The following TMEM120B variants were observed in gnomAD, a reference collection of about 807,000 sequenced individuals.
TMEM120B encodes the protein transmembrane protein 120B.
In TMEM120B, 31 loss-of-function variants were observed where a neutral mutation model predicts 55.5. The ratio of observed to expected loss-of-function variants is 0.56; its 90% CI spans 0.42 to 0.75. The LOEUF is 0.75. TMEM120B is among the 30% of genes least tolerant of loss of function. TMEM120B has a pLI of 0.00. For missense variants in TMEM120B, 399 were observed against 425.5 expected, an observed-to-expected ratio of 0.94 and a Z score of 0.55; for synonymous variants, 203 against 176.3, an observed-to-expected ratio of 1.15 and a Z score of -1.20.
chr12:121,765,136 T>C (rs1302133000), intron 6 of TMEM120B, among the ~76,000 whole-genome samples: 1 of 149,022 alleles, frequency 6.7e-6, no homozygotes, highest in Admixed American at 6.6e-5. Context: ...TTTCTTTTTT[T>C]TTTTTTTTTT....
chr12:121,735,599 A>T (rs1390802951), intron 1 of TMEM120B, among the ~76,000 whole-genome samples: 2 of 151,686 alleles, frequency 1.3e-5, no homozygotes, highest in Non-Finnish European at 2.9e-5. Flanking sequence ...GGGTTTCACA[A>T]TGTTGGCCAG....
chr12:121,751,825 C>A (rs890518960), intron 4 of TMEM120B, among the ~76,000 whole-genome samples: 8 of 152,200 alleles, frequency 5.3e-5, no homozygotes, highest in Non-Finnish European at 1.0e-4. Context: ...AAACCCTGGC[C>A]TTTCAGCAGC....
At chr12:121,757,548 G>C (rs1204265965) in intron 5 of TMEM120B, among the ~76,000 whole-genome samples, 2 of 137,024 alleles carry the variant, frequency 1.5e-5, no homozygotes, top group African/African-American at 5.5e-5. Flanking sequence ...ACAGAGTCTT[G>C]CTTTGTCGCC....
chr12:121,727,601 C>T (rs745881813), intron 1 of TMEM120B, among the ~76,000 whole-genome samples: 20 of 150,498 alleles, frequency 1.3e-4, no homozygotes, highest in African/African-American at 3.4e-4. Flanking sequence ...TGGCCCGGTG[C>T]GGTGGCTCAC....
At chr12:121,740,246 A>G (rs966771884) in intron 1 of TMEM120B, among the ~76,000 whole-genome samples, 1 of 152,060 alleles carries the variant, frequency 6.6e-6, no homozygotes, top group Non-Finnish European at 1.5e-5. Flanking sequence ...GCACTTTGGG[A>G]GGCTGAGGCA....
At chr12:121,718,612 G>A (rs1337514382) in intron 1 of TMEM120B, among the ~76,000 whole-genome samples, 1 of 152,110 alleles carries the variant, frequency 6.6e-6, no homozygotes, top group East Asian at 1.9e-4. Context: ...GCCAGAATTC[G>A]AACCCATGCC....
At position 121,780,624 on chromosome 12, in the gene TMEM120B, G is replaced by A. The variant is rs1049555239; in HGVS notation, c.*4902G>A. 26 of 569,774 alleles carry A rather than the reference G, an allele frequency of 4.6e-5. No homozygotes were observed. In the Middle Eastern group the frequency reaches 7.9e-4, roughly 17 times the overall value. 35.3% of individuals were successfully genotyped at this position (569,774 alleles called of 1,614,324 possible). ...CTGGGCAAGCTGCTTAACCTCTCTG[G>A]GCCTCAGTTTCTCCCCCTGTAAACT... On this transcript the variant is annotated 3_prime_UTR_variant, in exon 12 of 12. Transcript: ENST00000449592.
intron 1 of TMEM120B, among the ~76,000 whole-genome samples, chr12:121,713,724 G>T (rs751979754): frequency 2.0e-5 from 3 of 152,154 alleles, no homozygotes; most frequent in Non-Finnish European, 2.9e-5. Flanking sequence ...CCTGCTAAGA[G>T]GTTCAGAGAG....
chr12:121,730,412 A>G (rs1179585906), intron 1 of TMEM120B, among the ~76,000 whole-genome samples: 2 of 145,902 alleles, frequency 1.4e-5, no homozygotes, highest in African/African-American at 2.6e-5. Context: ...TTTAGGAGGC[A>G]GAGGCGGGCA....
intron 1 of TMEM120B, among the ~76,000 whole-genome samples, chr12:121,726,528 G>A (rs1894894996): frequency 2.0e-5 from 3 of 149,816 alleles, no homozygotes; most frequent in Admixed American, 6.7e-5. Flanking sequence ...GCAGTGAGCC[G>A]AGATCGCGCT....
chr12:121,768,577 C>T (rs1873921488), intron 6 of TMEM120B, among the ~76,000 whole-genome samples: 1 of 152,176 alleles, frequency 6.6e-6, no homozygotes, highest in African/African-American at 2.4e-5. Context: ...CAAGAGAGTT[C>T]TGGAGGGATG....
intron 1 of TMEM120B, among the ~76,000 whole-genome samples, chr12:121,727,380 TA>T (rs1456501042): frequency 2.0e-5 from 3 of 149,416 alleles, no homozygotes; most frequent in Non-Finnish European, 4.5e-5. Flanking sequence ...TGCAAAAAAA[TA>T]AAAAATGAGC....
Position 121,780,694 on chromosome 12 carries a change from G to A in TMEM120B, c.*4972G>A. On this transcript the variant is annotated 3_prime_UTR_variant, in exon 12 of 12. Transcript: ENST00000449592. ...TGCCTCCGAGTCCTAAGGATTGGGAGTAGTCGTGTAAAGTGCTCAGGTCCA... is the reference window on the plus strand; with the variant it reads ...TGCCTCCGAGTCCTAAGGATTGGGAATAGTCGTGTAAAGTGCTCAGGTCCA... 1.5e-6 allele frequency: 1 copy of A among 684,130 alleles called. No homozygotes were observed. Among genetic ancestry groups the A allele is most frequent in the African/African-American group, 1.8e-5 (1 of 55,466 alleles). 42.4% of individuals were successfully genotyped at this position (684,130 alleles called of 1,614,324 possible).
chr12:121,775,651 A>C lies in TMEM120B; in HGVS notation c.949A>C (p.Asn317His). 6.2e-7 allele frequency: 1 copy of C among 1,613,996 alleles called. No individual in the cohort carries two copies. Among genetic ancestry groups the C allele is most frequent in the Admixed American group, 1.7e-5 (1 of 60,014 alleles). The change falls in exon 12 of 12, where the codon AAC (asparagine) becomes CAC (histidine). Residue 317 changes from asparagine to histidine, a missense_variant. By Grantham distance (68) the Asn-to-His change is moderately conservative. Transcript: ENST00000449592. The surrounding 1 kb of genome is among the most constrained non-coding windows in gnomAD (Gnocchi z 4.3). ...AFTFLILFLG[N>H]FLTTLKVVHA... ...CACCTTCCTCATCCTCTTCCTCGGC[A>C]ACTTCCTGACCACGCTCAAAGTCGT...
chr12:121,729,932 G>T (rs1894965363), intron 1 of TMEM120B, among the ~76,000 whole-genome samples: 1 of 152,040 alleles, frequency 6.6e-6, no homozygotes, highest in South Asian at 2.1e-4. Flanking sequence ...ATAAAATGTG[G>T]CTCGTCCATA....
At chr12:121,756,681 G>T (rs1314663428) in intron 5 of TMEM120B, among the ~76,000 whole-genome samples, 5 of 152,210 alleles carry the variant, frequency 3.3e-5, no homozygotes, top group African/African-American at 9.6e-5. Flanking sequence ...GGCCCTGGGG[G>T]CAAAATGAAA....
chr12:121,762,320 C>A (rs1873706497), intron 6 of TMEM120B, among the ~76,000 whole-genome samples: 1 of 151,522 alleles, frequency 6.6e-6, no homozygotes, highest in Admixed American at 6.6e-5. Flanking sequence ...TCAGTTAAGT[C>A]TTGATCCAAG....
At chr12:121,762,230 A>G (rs1245902781) in intron 6 of TMEM120B, among the ~76,000 whole-genome samples, 1 of 150,716 alleles carries the variant, frequency 6.6e-6, no homozygotes, top group African/African-American at 2.5e-5. Flanking sequence ...CTGAGATCGC[A>G]CCATTGCACT....
chr12:121,719,044 C>T (rs1050044472), intron 1 of TMEM120B, among the ~76,000 whole-genome samples: 10 of 152,112 alleles, frequency 6.6e-5, no homozygotes, highest in Non-Finnish European at 8.8e-5. Context: ...TTTCAGCAAG[C>T]GTCCCAGGGC....
Sources: allele counts gnomAD v4.1 joint callset (sites outside exome capture counted in the v4.1 genomes callset), GRCh38; gene constraint gnomAD v4.1.1; non-coding constraint Gnocchi (gnomAD v3.1); transcripts MANE v1.5; gene names NCBI Gene and HGNC (gene_info 2026-07-23, HGNC 2026-07-21).